Variants in DISC1 observed in about 807,000 individuals in gnomAD.
The protein encoded by DISC1 is disrupted in schizophrenia 1 protein.
A neutral mutation model predicts 84.5 loss-of-function variants in DISC1; 57 were observed. The observed-to-expected ratio is 0.67, with a 90% confidence interval of 0.55 to 0.84. The LOEUF is 0.84. Ranked by LOEUF, DISC1 falls within the 40% of genes least tolerant of loss-of-function variation. The pLI is 0.00. For missense variants in DISC1, 1,000 were observed against 1,057.8 expected (o/e 0.95, Z 0.76); for synonymous variants, 411 against 415.2 (o/e 0.99, Z 0.12).
chr1:231,752,652 A>G (rs1386718181), intron 4 of DISC1, among the ~76,000 whole-genome samples: 2 of 152,286 alleles, frequency 1.3e-5, no homozygotes, highest in East Asian at 1.9e-4. Context: ...GCAAAATACA[A>G]TCATCCCTTC....
chr1:231,652,938 C>G (rs1475893268), intron 1 of DISC1, among the ~76,000 whole-genome samples: 1 of 152,128 alleles, frequency 6.6e-6, no homozygotes, highest in Non-Finnish European at 1.5e-5. Context: ...TGCCACCACA[C>G]CTGGCTAATT....
At chr1:231,682,402 C>G (rs2125561528) in intron 1 of DISC1, among the ~76,000 whole-genome samples, 1 of 152,302 alleles carries the variant, frequency 6.6e-6, no homozygotes, top group African/African-American at 2.4e-5. Context: ...TATTCCAAAG[C>G]AGCATAGTTT....
At chr1:231,899,499 A>G (rs200835520) in intron 9 of DISC1, among the ~76,000 whole-genome samples, 8 of 152,208 alleles carry the variant, frequency 5.3e-5, no homozygotes, top group African/African-American at 1.4e-4. Context: ...CTTTCCTTCA[A>G]TGTGGCTGTA....
In DISC1 at chr1:231,756,832, C is replaced by T. The variant is rs187897912; in HGVS notation, c.1268+6756C>T. ...ACTAAAGTTATTTATGTATTATTAC[C>T]GTAACTAGAAAATAATGAGTTGAAA... On this transcript the variant is annotated intron_variant, in intron 4 of 12. Transcript: ENST00000439617. Among the ~76,000 whole-genome samples, 9 of 152,230 alleles carry T rather than the reference C, an allele frequency of 5.9e-5. No individual in the cohort carries two copies. In the East Asian group the frequency reaches 1.7e-3, roughly 29 times the overall value.
chr1:231,998,871 T>C (rs1205603708), intron 10 of DISC1, among the ~76,000 whole-genome samples: 2 of 152,178 alleles, frequency 1.3e-5, no homozygotes, highest in Non-Finnish European at 2.9e-5. Context: ...AAATATAGCC[T>C]CAAAATATAT....
chr1:231,750,624 T>C (rs1354176680), intron 4 of DISC1: 2 of 979,590 alleles, frequency 2.0e-6, no homozygotes, highest in Non-Finnish European at 2.4e-6. Context: ...CTTAGAAAGA[T>C]TTAAAACCTA....
rs113225478 is a variant in DISC1 at position 231,967,942 on chromosome 1, A to T, written c.2042+9054A>T. ...AACAAAGGTAGGAAAAACATTAGTA[A>T]CACTTTGATGGGGATTAGACTCAAC... On this transcript the variant is annotated intron_variant, in intron 10 of 12. Transcript: ENST00000439617. Among the ~76,000 whole-genome samples the T allele has an allele frequency of 7.0e-3, 1,061 of 152,334 alleles. 17 individuals carry two copies. The highest frequency in any genetic ancestry group is 0.024 in the African/African-American group (980 of 41,586).
chr1:231,771,635 G>A (rs923795528), intron 6 of DISC1: 1 of 978,264 alleles, frequency 1.0e-6, no homozygotes, highest in Middle Eastern at 5.3e-4. Context: ...GTTTAAGAAG[G>A]TTATAATTTG....
At chr1:231,883,117 G>A (rs887084911) in intron 9 of DISC1, among the ~76,000 whole-genome samples, 3 of 152,100 alleles carry the variant, frequency 2.0e-5, no homozygotes, top group South Asian at 2.1e-4. Context: ...ATGTGCAAGC[G>A]AAGGGCAACA....
At chr1:231,941,476 A>ATT (rs36036497) in intron 9 of DISC1, among the ~76,000 whole-genome samples, 16 of 144,506 alleles carry the variant, frequency 1.1e-4, no homozygotes, top group Admixed American at 4.8e-4. Context: ...TGAAACTTCA[A>ATT]TTTTTTTTTT....
intron 11 of DISC1, among the ~76,000 whole-genome samples, chr1:232,011,179 T>C (rs1193086975): frequency 6.6e-6 from 1 of 152,200 alleles, no homozygotes; most frequent in Non-Finnish European, 1.5e-5. Flanking sequence ...TATAAGCACC[T>C]GTCAATTTCA....
At chr1:231,661,164 C>A (rs909537995) in intron 1 of DISC1, among the ~76,000 whole-genome samples, 2 of 151,780 alleles carry the variant, frequency 1.3e-5, no homozygotes, top group African/African-American at 4.8e-5. Flanking sequence ...TTCTTTCTGG[C>A]TGCCCTTCAC....
chr1:231,672,511 C>T (rs1475297257), intron 1 of DISC1, among the ~76,000 whole-genome samples: 3 of 152,196 alleles, frequency 2.0e-5, no homozygotes, highest in Non-Finnish European at 4.4e-5. Flanking sequence ...ACTTCCCTGC[C>T]TGGTTGACTT....
intron 10 of DISC1, among the ~76,000 whole-genome samples, chr1:231,996,451 C>T (rs1665973932): frequency 6.6e-6 from 1 of 152,160 alleles, no homozygotes; most frequent in South Asian, 2.1e-4. Flanking sequence ...CCTAGGTTCT[C>T]TTCTAGGGTT....
At chr1:231,841,559 C>T (rs1310872984) in intron 9 of DISC1, among the ~76,000 whole-genome samples, 1 of 152,196 alleles carries the variant, frequency 6.6e-6, no homozygotes, top group African/African-American at 2.4e-5. Context: ...GTTCTAAATG[C>T]TTAGTATCAG....
chr1:231,760,725 T>C (rs1157364140), intron 4 of DISC1, among the ~76,000 whole-genome samples: 1 of 152,178 alleles, frequency 6.6e-6, no homozygotes, highest in Non-Finnish European at 1.5e-5. Flanking sequence ...GGTGCAGGAT[T>C]TTCTCACAGG....
At chr1:231,809,746 T>C (rs1309053543) in intron 8 of DISC1, among the ~76,000 whole-genome samples, 1 of 152,128 alleles carries the variant, frequency 6.6e-6, no homozygotes, top group Non-Finnish European at 1.5e-5. Flanking sequence ...CATCCAATAA[T>C]GAAAGTAGTT....
At chr1:231,791,084 A>G (rs982217453) in intron 6 of DISC1, among the ~76,000 whole-genome samples, 2 of 152,188 alleles carry the variant, frequency 1.3e-5, no homozygotes, top group Non-Finnish European at 2.9e-5. Context: ...CATTCATGTC[A>G]GTAGTCTCAA....
intron 9 of DISC1, among the ~76,000 whole-genome samples, chr1:231,829,922 G>T (rs959772101): frequency 1.3e-5 from 2 of 152,108 alleles, no homozygotes; most frequent in Non-Finnish European, 2.9e-5. Flanking sequence ...TGAGCCAGGA[G>T]AAGGAATTTC....
Sources: gnomAD v4.1 joint callset for allele counts (sites outside exome capture counted in the v4.1 genomes callset) on GRCh38, gnomAD v4.1.1 for gene constraint, MANE v1.5 for transcripts, NCBI Gene and HGNC (gene_info 2026-07-23, HGNC 2026-07-21) for gene names.